Variants in PGM5 observed in about 807,000 individuals in gnomAD.
PGM5 encodes phosphoglucomutase-like protein 5.
A neutral mutation model predicts 59.2 loss-of-function variants in PGM5; 23 were observed. That is an observed-to-expected ratio of 0.39 (90% CI 0.28 to 0.55). The LOEUF (loss-of-function observed/expected upper bound fraction) is 0.55, where lower values mean the gene tolerates loss of function less well. Among genes scored for constraint, PGM5 ranks in the 20% least tolerant of loss-of-function variants. The probability of loss-of-function intolerance (pLI) is 0.66; values close to 1 mark genes in which losing one functional copy is unlikely to be tolerated. For missense variants in PGM5, 574 were observed against 748.3 expected (o/e 0.77, Z 2.72); for synonymous variants, 214 against 286.0 (o/e 0.75, Z 2.54).
intron 6 of PGM5, among the ~76,000 whole-genome samples, chr9:68,450,476 A>G (rs1419913117): frequency 6.6e-6 from 1 of 152,168 alleles, no homozygotes; most frequent in Non-Finnish European, 1.5e-5. Context: ...CCAACTCAGA[A>G]TGTTTTACAG....
chr9:68,459,623 C>T (rs1412987994), intron 6 of PGM5, among the ~76,000 whole-genome samples: 5 of 152,024 alleles, frequency 3.3e-5, no homozygotes, highest in East Asian at 1.9e-4. Context: ...AATTTGCATC[C>T]CTTCAACAGT....
intron 10 of PGM5, among the ~76,000 whole-genome samples, chr9:68,521,197 T>A (rs1029283409): frequency 3.3e-5 from 5 of 152,230 alleles, no homozygotes; most frequent in Admixed American, 6.5e-5. Context: ...AAAATGAGAA[T>A]AATACCACCT....
At chr9:68,421,948 A>T (rs1554682374) in intron 6 of PGM5, among the ~76,000 whole-genome samples, 1 of 152,152 alleles carries the variant, frequency 6.6e-6, no homozygotes, top group East Asian at 1.9e-4. Context: ...TTAGGCAAAT[A>T]TATAAAAAAT....
intron 6 of PGM5, among the ~76,000 whole-genome samples, chr9:68,417,785 C>T (rs1296355704): frequency 6.6e-6 from 1 of 152,230 alleles, no homozygotes; most frequent in African/African-American, 2.4e-5. Context: ...ACCCAGATTT[C>T]TTGGGATCTG....
At chr9:68,458,327 C>T (rs1273988205) in intron 6 of PGM5, among the ~76,000 whole-genome samples, 1 of 152,186 alleles carries the variant, frequency 6.6e-6, no homozygotes, top group African/African-American at 2.4e-5. Flanking sequence ...CCCCATGACA[C>T]CTACCTAAAA....
intron 1 of PGM5, among the ~76,000 whole-genome samples, chr9:68,376,410 A>T (rs2131989389): frequency 6.6e-6 from 1 of 151,906 alleles, no homozygotes; most frequent in Non-Finnish European, 1.5e-5. Context: ...CTGCTTGAAA[A>T]TATGTAGCCT....
chr9:68,371,235 A>T, intron 1 of PGM5, among the ~76,000 whole-genome samples: 1 of 152,182 alleles, frequency 6.6e-6, no homozygotes, highest in East Asian at 1.9e-4. Flanking sequence ...TTCAGCGGGG[A>T]GCAACAGAAT....
At chr9:68,415,655 C>A (rs1172480716) in intron 6 of PGM5, among the ~76,000 whole-genome samples, 18 of 107,600 alleles carry the variant, frequency 1.7e-4, no homozygotes, top group East Asian at 5.0e-4. Context: ...ATTTATTGCT[C>A]TCTCCTTAAT....
chr9:68,422,967 A>G (rs1823160558), intron 6 of PGM5, among the ~76,000 whole-genome samples: 1 of 152,228 alleles, frequency 6.6e-6, no homozygotes, highest in South Asian at 2.1e-4. Context: ...GAGTGAGAAT[A>G]TACCATGTTT....
chr9:68,498,136 C>G (rs1271928016), intron 9 of PGM5: 1 of 152,186 alleles, frequency 6.6e-6, no homozygotes, highest in Non-Finnish European at 1.5e-5. Flanking sequence ...CATGCCTCCC[C>G]CTTTTGGTTC....
chr9:68,527,650 C>T (rs1042020473), intron 10 of PGM5, among the ~76,000 whole-genome samples: 7 of 151,758 alleles, frequency 4.6e-5, no homozygotes, highest in African/African-American at 1.7e-4. Context: ...TCTGTTTTTA[C>T]GAATCAAGAT....
chr9:68,357,483 C>A (rs1290533246), intron 1 of PGM5, 95 bp downstream of exon 1: 20 of 1,509,088 alleles, frequency 1.3e-5, no homozygotes, highest in Admixed American at 1.2e-4. Flanking sequence ...AGTTGGGAGG[C>A]CCCTGCCCGG....
intron 8 of PGM5, 68 bp downstream of exon 8, chr9:68,479,621 T>C: frequency 6.6e-7 from 1 of 1,525,142 alleles, no homozygotes; most frequent in South Asian, 1.2e-5. Context: ...TTTCTAAAAC[T>C]GATGGGCTAG....
At chr9:68,465,063 A>C (rs1823911697) in intron 6 of PGM5, 30 bp from the exon 7 acceptor site, 2 of 1,368,014 alleles carry the variant, frequency 1.5e-6, no homozygotes, top group Non-Finnish European at 2.1e-6. Flanking sequence ...GAAATATATG[A>C]ATTGACTTTT....
At chr9:68,493,080 T>C (rs1251924556) in intron 9 of PGM5, among the ~76,000 whole-genome samples, 2 of 152,180 alleles carry the variant, frequency 1.3e-5, no homozygotes, top group African/African-American at 4.8e-5. Flanking sequence ...CATATGCTGT[T>C]TTCCCCTGGA....
rs530877709 is a variant in PGM5, at chr9:68,449,393, T to C, written c.1044-15700T>C. On this transcript the variant is annotated intron_variant, in intron 6 of 10. Coordinates refer to ENST00000396396, the MANE Select transcript of PGM5 (RefSeq NM_021965.4). ...CCTGGAGGGCAAAAAGAATGGCTTG[T>C]CTGGGAATTGCAAGCCTTTGGAGTC... Among the ~76,000 whole-genome samples the C allele has an allele frequency of 4.9e-4, 75 of 152,306 alleles. 1 individual carries two copies. The South Asian group carries it at 0.015, about 30-fold the overall frequency.
At chr9:68,433,088 A>G (rs1823382059) in intron 6 of PGM5, among the ~76,000 whole-genome samples, 1 of 152,188 alleles carries the variant, frequency 6.6e-6, no homozygotes, top group African/African-American at 2.4e-5. Context: ...GTGTTTCTAT[A>G]CTATTGATTT....
chr9:68,376,833 C>CTCTT lies in PGM5; in HGVS notation c.262-1350_262-1347dup, dbSNP rs1340878557. On this transcript the variant is annotated intron_variant, in intron 1 of 10. Transcript: ENST00000396396. ...TCTTTCTTTCTTTCTTTCTTTCTTT[C>CTCTT]TCTTTCTTTCTTTCTTTCTCTTTCT... 4.5e-4 allele frequency among the ~76,000 whole-genome samples: 35 copies of CTCTT among 77,960 alleles called. 1 individual carries two copies. The highest frequency in any genetic ancestry group is 7.0e-4 in the Non-Finnish European group (27 of 38,562). The allele number at this position is 77,960 out of a possible 152,430, so 51.1% of individuals were successfully genotyped here.
intron 9 of PGM5, chr9:68,497,612 G>A (rs1824502304): frequency 6.6e-6 from 1 of 152,212 alleles, no homozygotes. Context: ...TATGCAGCAG[G>A]TATATATATT....
Sources: allele counts gnomAD v4.1 joint callset (sites outside exome capture counted in the v4.1 genomes callset), GRCh38; gene constraint gnomAD v4.1.1; transcripts MANE v1.5; gene names NCBI Gene and HGNC (gene_info 2026-07-23, HGNC 2026-07-21).